Variants in CD300LF observed in about 807,000 individuals in gnomAD.
CD300LF encodes CD300 molecule like family member f, also known as CMRF35-like molecule 1.
Under a neutral mutation model 32.2 loss-of-function variants are expected in CD300LF, and 27 were observed. The observed-to-expected ratio is 0.84, with a 90% CI of 0.62 to 1.15. The LOEUF (loss-of-function observed/expected upper bound fraction) is 1.15, where lower values mean the gene tolerates loss of function less well. Among genes scored for constraint, CD300LF ranks in the 50% most tolerant of loss-of-function variants. CD300LF has a pLI of 0.00. For synonymous variants in CD300LF, 139 were observed against 143.2 expected (o/e 0.97, Z 0.21); for missense variants, 348 against 356.8 (o/e 0.98, Z 0.20).
At position 74,703,489 on chromosome 17, in the gene CD300LF, A is replaced by C. The variant is rs149714788; in HGVS notation, c.383-391T>G. 4.9e-4 allele frequency among the ~76,000 whole-genome samples: 74 copies of C among 152,288 alleles called. No homozygotes were observed. In the East Asian group the frequency reaches 0.013, roughly 27 times the overall value. On this transcript the variant is annotated intron_variant, in intron 2 of 6. Transcript: ENST00000326165. ...ACCCCCAGCCCTATTTATCCAGCAA[A>C]AACAGGAGCAGAGTGGGAACTTGCA...
Position 74,695,789 on chromosome 17 carries a change from T to C in CD300LF, c.653A>G (p.Gln218Arg), listed in dbSNP as rs2034310. The part of the protein sequence containing the change: ...LTLQLAGTSP[Q>R]KATTKLSSAQ... Reference sequence around the variant, plus strand: ...AGAGGAAAGCTTCGTGGTAGCCTTTTGCGGGGAGGTTCCGGCCAGCTGCAG... The same window carrying C: ...AGAGGAAAGCTTCGTGGTAGCCTTTCGCGGGGAGGTTCCGGCCAGCTGCAG... The change falls in exon 6 of 7, where the codon CAA (glutamine) becomes CGA (arginine). Residue 218 changes from glutamine to arginine, a missense_variant. By Grantham distance (43) the Gln-to-Arg change is conservative. Coordinates refer to ENST00000326165, the MANE Select transcript of CD300LF (RefSeq NM_139018.5). 1,282,080 of 1,613,910 alleles carry C rather than the reference T, an allele frequency of 0.79. 511,975 individuals carry two copies. The highest frequency in any genetic ancestry group is 0.86 in the Middle Eastern group (5,190 of 6,060).
rs949285252 is a variant in CD300LF, at chr17:74,704,726, C to A, written c.134G>T (p.Gly45Val). The change falls in exon 2 of 7, where the codon GGC becomes GTC. Residue 45 changes from glycine to valine, a missense_variant. Gly to Val is a moderately radical substitution (Grantham distance 109). Coordinates refer to ENST00000326165, the MANE Select transcript of CD300LF (RefSeq NM_139018.5). ...CCACCACTTCAAGTAGGTCTCCCAGCCTGATCTGTAAACACACTGCACGGT... is the reference window on the plus strand; with the variant it reads ...CCACCACTTCAAGTAGGTCTCCCAGACTGATCTGTAAACACACTGCACGGT... ...SLTVQCVYRS[G>V]WETYLKWWCR... 6.2e-7 allele frequency: 1 copy of A among 1,614,200 alleles called. No individual in the cohort carries two copies. The highest frequency in any genetic ancestry group is 8.5e-7 in the Non-Finnish European group (1 of 1,180,040).
In CD300LF at chr17:74,704,784, T is replaced by C. The variant is rs771210975; in HGVS notation, c.76A>G (p.Thr26Ala). 24 of 1,613,724 alleles carry C rather than the reference T, an allele frequency of 1.5e-5. No individual in the cohort carries two copies. The highest frequency in any genetic ancestry group is 1.7e-5 in the Non-Finnish European group (20 of 1,179,768). ...CCCCGCTCCAAGCCATTCACTGTTG[T>C]TGGACCGGTGATTTGAGTGACAATG... ...YSIVTQITGPTTVNGLERGSL... is the reference protein window; with the variant it reads ...YSIVTQITGPATVNGLERGSL... Residue 26 changes from threonine (T) to alanine (A), a missense_variant, in exon 2 of 7, where the codon ACA becomes GCA. Coordinates refer to ENST00000326165, the MANE Select transcript of CD300LF (RefSeq NM_139018.5).
intron 1 of CD300LF, chr17:74,705,273 G>A: frequency 1.4e-6 from 1 of 700,934 alleles, no homozygotes; most frequent in Non-Finnish European, 2.6e-6. Flanking sequence ...CTGTGGAGAG[G>A]CTGTCCTGGT....
In CD300LF at chr17:74,695,265, G is replaced by A. The variant is rs369368790; in HGVS notation, c.718-14C>T. ...CGGCAAGGAAGCCTGCAGCAAAGGC[G>A]GGCTCCAGGTCAGAGAGGACGGCAG... On this transcript the variant is annotated splice_polypyrimidine_tract_variant and intron_variant, in intron 6 of 6. Coordinates refer to ENST00000326165, the MANE Select transcript of CD300LF (RefSeq NM_139018.5). The A allele has an allele frequency of 3.7e-5, 59 of 1,613,452 alleles. No individual in the cohort carries two copies. The highest frequency in any genetic ancestry group is 2.3e-4 in the African/African-American group (17 of 74,910).
rs144047103 is a variant in CD300LF, at chr17:74,703,139, C to T, written c.383-41G>A. On this transcript the variant is annotated intron_variant, in intron 2 of 6. Coordinates refer to ENST00000326165, the MANE Select transcript of CD300LF (RefSeq NM_139018.5). ...AGGTAGGCGTGGTGGGGGCAGGAGT[C>T]GACGCTGTAGTTGATGCTTGGTGTA... The T allele has an allele frequency of 9.5e-5, 153 of 1,612,940 alleles. 1 individual carries two copies. Among genetic ancestry groups the T allele is most frequent in the South Asian group, 2.4e-4 (22 of 91,002 alleles).
At position 74,694,960 on chromosome 17, in the gene CD300LF, C is replaced by G. The variant is rs1421752785; in HGVS notation, c.*136G>C. 2.0e-6 allele frequency: 2 copies of G among 1,003,844 alleles called. No individual in the cohort carries two copies. Among genetic ancestry groups the G allele is most frequent in the East Asian group, 2.5e-5 (1 of 39,922 alleles). The allele number at this position is 1,003,844 out of a possible 1,614,324, so 62.2% of individuals were successfully genotyped here. A position where few individuals can be genotyped will look rare whatever the true frequency, so the allele number is the denominator to read the frequency against. Reference sequence around the variant, plus strand: ...ACTTGGCCCCAAGCCCAACCCAGAGCTAGGGGCAATGCTGGCTGATCAGGC... The same window carrying G: ...ACTTGGCCCCAAGCCCAACCCAGAGGTAGGGGCAATGCTGGCTGATCAGGC... On this transcript the variant is annotated 3_prime_UTR_variant, in exon 7 of 7. Coordinates refer to ENST00000326165, the MANE Select transcript of CD300LF (RefSeq NM_139018.5).
intron 2 of CD300LF, 181 bp downstream of exon 2, chr17:74,704,297 G>C (rs1288378421): frequency 8.3e-6 from 5 of 600,124 alleles, no homozygotes; most frequent in Non-Finnish European, 1.2e-5. Context: ...AGCCCTGGGA[G>C]CCATGGGGGC....
chr17:74,708,360 T>A (rs928363972), intron 1 of CD300LF, among the ~76,000 whole-genome samples: 1 of 152,132 alleles, frequency 6.6e-6, no homozygotes, highest in Admixed American at 6.6e-5. Context: ...AGAAATAATG[T>A]CTATTTTATA....
In CD300LF at chr17:74,712,843, C is replaced by T; in HGVS notation, c.24G>A (p.Leu8=). The change falls in exon 1 of 7, where the codon CTG becomes CTA. Residue 8 remains leucine (L), a synonymous_variant. Coordinates refer to ENST00000326165, the MANE Select transcript of CD300LF (RefSeq NM_139018.5). ...GCTCACCTGAGAGCCAGAAGAGGAG[C>T]AGGTAGAGTGTCAGCAGGGGCATCT... MPLLTLY[L]LLFWLSGYSI... 1 of 1,614,052 alleles carries T rather than the reference C, an allele frequency of 6.2e-7. No individual in the cohort carries two copies. The highest frequency in any genetic ancestry group is 8.5e-7 in the Non-Finnish European group (1 of 1,179,986).
Position 74,698,075 on chromosome 17 carries a change from T to C in CD300LF, c.559+294A>G, listed in dbSNP as rs139487146. The stretch of plus-strand genomic sequence containing the variant: ...AGACTGGACCACCCACCTAAGACCA[T>C]TGCCACCTATGCCATCAAGAGTCAA... On this transcript the variant is annotated intron_variant, in intron 4 of 6. Transcript: ENST00000326165. Among the ~76,000 whole-genome samples the C allele has an allele frequency of 2.7e-4, 41 of 152,120 alleles. No homozygotes were observed. In the East Asian group the frequency reaches 6.4e-3, roughly 24 times the overall value.
intron 3 of CD300LF, 28 bp from the exon 4 acceptor site, chr17:74,698,509 A>T (rs776671485): frequency 1.6e-5 from 26 of 1,593,948 alleles, no homozygotes; most frequent in Non-Finnish European, 2.2e-5. Flanking sequence ...CGTCCCCTGC[A>T]TCCCAGGCTC....
Position 74,712,815 on chromosome 17 carries a change from C to A in CD300LF, c.43+9G>T. On this transcript the variant is annotated intron_variant, in intron 1 of 6. Coordinates refer to ENST00000326165, the MANE Select transcript of CD300LF (RefSeq NM_139018.5). ...GCTTCCCCAAGAAGACAGACCCAGG[C>A]CCGCTCACCTGAGAGCCAGAAGAGG... is the stretch of plus-strand genomic sequence containing the variant. 5 of 1,613,942 alleles carry A rather than the reference C, an allele frequency of 3.1e-6. No homozygotes were observed. Among genetic ancestry groups the A allele is most frequent in the Non-Finnish European group, 4.2e-6 (5 of 1,179,926 alleles).
chr17:74,702,706 C>A (rs905369498), intron 3 of CD300LF, among the ~76,000 whole-genome samples: 1 of 152,152 alleles, frequency 6.6e-6, no homozygotes, highest in African/African-American at 2.4e-5. Flanking sequence ...ATCGGTCTCC[C>A]ACACTGAGCT....
At chr17:74,703,876 T>C (rs2033280359) in intron 2 of CD300LF, among the ~76,000 whole-genome samples, 2 of 152,182 alleles carry the variant, frequency 1.3e-5, no homozygotes, top group African/African-American at 4.8e-5. Flanking sequence ...AGTGTCTGCA[T>C]TCTAGAAGGA....
intron 3 of CD300LF, among the ~76,000 whole-genome samples, chr17:74,702,424 C>G (rs1027122551): frequency 6.6e-6 from 1 of 152,152 alleles, no homozygotes. Flanking sequence ...GCCCATTCTT[C>G]CACATGGGGT....
At chr17:74,704,246 TA>T in intron 2 of CD300LF, 2 of 531,160 alleles carry the variant, frequency 3.8e-6, no homozygotes, top group Non-Finnish European at 6.7e-6. Context: ...TGTGCAGAGG[TA>T]AAAAATGTGC....
At chr17:74,708,155 A>AAAAAAAG (rs1330555527) in intron 1 of CD300LF, among the ~76,000 whole-genome samples, 1 of 151,728 alleles carries the variant, frequency 6.6e-6, no homozygotes, top group African/African-American at 2.4e-5. Flanking sequence ...CTCAAAAAAA[A>AAAAAAAG]AAAAAAGAAA....
chr17:74,705,231 T>C (rs2033412022), intron 1 of CD300LF: 1 of 702,312 alleles, frequency 1.4e-6, no homozygotes, highest in African/African-American at 1.7e-5. Context: ...ATGACCCTCA[T>C]GAGGTCGAGC....
Sources: gnomAD v4.1 joint callset for allele counts (sites outside exome capture counted in the v4.1 genomes callset) on GRCh38, gnomAD v4.1.1 for gene constraint, MANE v1.5 for transcripts, NCBI Gene and HGNC (gene_info 2026-07-23, HGNC 2026-07-21) for gene names.